SGIP1: variants seen among roughly 807,000 people sequenced by gnomAD.
SGIP1 encodes the protein SH3-containing GRB2-like protein 3-interacting protein 1.
Under a neutral mutation model 107.5 loss-of-function variants are expected in SGIP1, and 38 were observed. The observed-to-expected ratio is 0.35, with a 90% confidence interval of 0.27 to 0.46. SGIP1 has a LOEUF of 0.46. Ranked by LOEUF, SGIP1 falls within the 20% of genes least tolerant of loss-of-function variation. SGIP1 has a pLI of 1.00. For missense variants in SGIP1, 929 were observed against 1,019.5 expected (o/e 0.91, Z 1.21); for synonymous variants, 365 against 366.1 (o/e 1.00, Z 0.03).
intron 1 of SGIP1, among the ~76,000 whole-genome samples, chr1:66,616,407 G>GAAAAATCT (rs11280526): frequency 0.15 from 22,322 of 152,006 alleles, 2,142 homozygotes; most frequent in East Asian, 0.45. Flanking sequence ...AGAAAAGCAA[G>GAAAAATCT]AAAAATCTGC....
At chr1:66,634,286 G>T in intron 3 of SGIP1, 1 of 724,352 alleles carries the variant, frequency 1.4e-6, no homozygotes, top group South Asian at 1.7e-5. Flanking sequence ...GCTGCTCCCA[G>T]ACTGGATTGC....
At chr1:66,578,913 C>G (rs761192229) in intron 1 of SGIP1, among the ~76,000 whole-genome samples, 1 of 152,004 alleles carries the variant, frequency 6.6e-6, no homozygotes, top group African/African-American at 2.4e-5. Context: ...TCAGGAGATC[C>G]ACCCTCCTCT....
intron 17 of SGIP1, among the ~76,000 whole-genome samples, chr1:66,693,929 A>G (rs1381921291): frequency 2.0e-5 from 3 of 152,250 alleles, no homozygotes; most frequent in Admixed American, 6.5e-5. Context: ...TAGTTCATAC[A>G]GGGACCTTGG....
At chr1:66,551,331 A>G (rs2057367763) in intron 1 of SGIP1, among the ~76,000 whole-genome samples, 2 of 152,182 alleles carry the variant, frequency 1.3e-5, no homozygotes. Flanking sequence ...AGAATGTGAT[A>G]TCTATTTCCA....
At chr1:66,564,953 G>T (rs2059444239) in intron 1 of SGIP1, among the ~76,000 whole-genome samples, 1 of 151,894 alleles carries the variant, frequency 6.6e-6, no homozygotes, top group Non-Finnish European at 1.5e-5. Flanking sequence ...TAACCCTGTG[G>T]GGCTTATAAT....
intron 1 of SGIP1, among the ~76,000 whole-genome samples, chr1:66,599,986 A>G (rs2065457311): frequency 6.6e-6 from 1 of 152,198 alleles, no homozygotes; most frequent in African/African-American, 2.4e-5. Flanking sequence ...GGCGGGCAGT[A>G]TTAAAACCCA....
At chr1:66,695,192 C>T (rs1180850329) in intron 17 of SGIP1, 4 of 742,918 alleles carry the variant, frequency 5.4e-6, no homozygotes, top group Non-Finnish European at 6.2e-6. Context: ...ATCAAGCGAC[C>T]ACCAACACAT....
chr1:66,608,353 T>C (rs777755687), intron 1 of SGIP1, among the ~76,000 whole-genome samples: 2 of 152,268 alleles, frequency 1.3e-5, no homozygotes, highest in Non-Finnish European at 2.9e-5. Context: ...TCATATCTGA[T>C]GATAATATTT....
At chr1:66,668,640 A>C (rs2083113438) in intron 9 of SGIP1, among the ~76,000 whole-genome samples, 1 of 152,186 alleles carries the variant, frequency 6.6e-6, no homozygotes, top group Non-Finnish European at 1.5e-5. Flanking sequence ...CCAATTAGTC[A>C]ATTATTATTT....
At chr1:66,577,981 T>C (rs1165669873) in intron 1 of SGIP1, among the ~76,000 whole-genome samples, 1 of 152,246 alleles carries the variant, frequency 6.6e-6, no homozygotes, top group Non-Finnish European at 1.5e-5. Context: ...ATCATTGCTC[T>C]ATTAAAACCT....
chr1:66,656,882 A>T (rs6680944), intron 7 of SGIP1, among the ~76,000 whole-genome samples: 98,560 of 152,134 alleles, frequency 0.65, 32,864 homozygotes, highest in East Asian at 1. Flanking sequence ...AATATAAAGA[A>T]TCAGATTGGG....
chr1:66,726,722 G>A (rs2093774325), intron 19 of SGIP1, among the ~76,000 whole-genome samples: 1 of 152,192 alleles, frequency 6.6e-6, no homozygotes, highest in Non-Finnish European at 1.5e-5. Flanking sequence ...ATCCATACTT[G>A]ACACTATATA....
intron 5 of SGIP1, among the ~76,000 whole-genome samples, chr1:66,642,460 C>T (rs945102238): frequency 1.3e-5 from 2 of 152,132 alleles, no homozygotes; most frequent in African/African-American, 4.8e-5. Context: ...TAATTTTTAC[C>T]TACCGAAACA....
At chr1:66,592,907 T>C (rs2063910917) in intron 1 of SGIP1, among the ~76,000 whole-genome samples, 1 of 131,472 alleles carries the variant, frequency 7.6e-6, no homozygotes, top group African/African-American at 2.9e-5. Flanking sequence ...CTTTTTTTTT[T>C]TTTTTTTTTT....
At chr1:66,595,188 A>G (rs1483827727) in intron 1 of SGIP1, among the ~76,000 whole-genome samples, 3 of 152,194 alleles carry the variant, frequency 2.0e-5, no homozygotes, top group Non-Finnish European at 4.4e-5. Context: ...TTCAGCTGGC[A>G]TGACCTTTCT....
Position 66,741,328 on chromosome 1 carries a change from C to A in SGIP1, c.2356C>A (p.Pro786Thr). Reference sequence around the variant, plus strand: ...ATCTGAAGGCCCAAGCAAACCTTCTCCATTGGTTGTGCAGTTCACAAGTGA... The same window carrying A: ...ATCTGAAGGCCCAAGCAAACCTTCTACATTGGTTGTGCAGTTCACAAGTGA... The part of the protein sequence containing the change: ...QLSEGPSKPS[P>T]LVVQFTSEGS... Residue 786 changes from proline to threonine, a missense_variant, in exon 24 of 25, where the codon CCA (proline) becomes ACA (threonine). Pro to Thr is a conservative substitution (Grantham distance 38, BLOSUM62 -1). Transcript: ENST00000371037. The A allele has an allele frequency of 6.2e-7, 1 of 1,607,712 alleles. No homozygotes were observed. Among genetic ancestry groups the A allele is most frequent in the Non-Finnish European group, 8.5e-7 (1 of 1,176,924 alleles).
chr1:66,689,412 G>C, intron 16 of SGIP1, 137 bp downstream of exon 16: 1 of 1,108,786 alleles, frequency 9.0e-7, no homozygotes, highest in East Asian at 2.5e-5. Flanking sequence ...CAGTCACTGC[G>C]GTATGAGTGT....
intron 1 of SGIP1, among the ~76,000 whole-genome samples, chr1:66,570,852 C>T (rs1163009599): frequency 6.6e-6 from 1 of 151,874 alleles, no homozygotes; most frequent in Non-Finnish European, 1.5e-5. Context: ...CATTCTGTTT[C>T]TTTGCTATTC....
chr1:66,565,492 A>G (rs1037422219), intron 1 of SGIP1, among the ~76,000 whole-genome samples: 2 of 152,006 alleles, frequency 1.3e-5, no homozygotes, highest in African/African-American at 4.8e-5. Context: ...GGTTTCTGGC[A>G]TCAAGAAACT....
Sources: allele counts gnomAD v4.1 joint callset (sites outside exome capture counted in the v4.1 genomes callset), GRCh38; gene constraint gnomAD v4.1.1; transcripts MANE v1.5; gene names NCBI Gene and HGNC (gene_info 2026-07-23, HGNC 2026-07-21).